The following PPP1R1C variants were observed in gnomAD, a reference collection of about 807,000 sequenced individuals.
PPP1R1C encodes protein phosphatase 1 regulatory inhibitor subunit 1C, also known as protein phosphatase 1 regulatory subunit 1C.
In PPP1R1C, 15 loss-of-function variants were observed where a neutral mutation model predicts 17.4. The ratio of observed to expected loss-of-function variants is 0.86; its 90% confidence interval spans 0.58 to 1.33. PPP1R1C has a LOEUF of 1.33. PPP1R1C is among the 40% of genes most tolerant of loss of function. The pLI, the probability that PPP1R1C is intolerant of heterozygous loss-of-function variation, is 0.00. For missense variants in PPP1R1C, 143 were observed against 130.0 expected (o/e 1.10, Z -0.48); for synonymous variants, 35 against 43.1 (o/e 0.81, Z 0.73).
At chr2:182,065,136 C>T (rs1708218849) in intron 4 of PPP1R1C, among the ~76,000 whole-genome samples, 1 of 151,850 alleles carries the variant, frequency 6.6e-6, no homozygotes, top group South Asian at 2.1e-4. Flanking sequence ...TGCATAAAGC[C>T]TTATACTCTC....
At chr2:182,025,000 A>G (rs934480197) in intron 2 of PPP1R1C, among the ~76,000 whole-genome samples, 2 of 150,042 alleles carry the variant, frequency 1.3e-5, no homozygotes, top group Non-Finnish European at 3.0e-5. Context: ...GGTGAGGAAT[A>G]TACACTAAAA....
intron 4 of PPP1R1C, among the ~76,000 whole-genome samples, chr2:182,112,424 G>T (rs1006072072): frequency 6.6e-6 from 1 of 152,036 alleles, no homozygotes; most frequent in Non-Finnish European, 1.5e-5. Context: ...AAGTTATACC[G>T]AAATCTATCC....
intron 4 of PPP1R1C, among the ~76,000 whole-genome samples, chr2:182,114,838 A>G (rs989381040): frequency 6.6e-6 from 1 of 152,152 alleles, no homozygotes; most frequent in African/African-American, 2.4e-5. Context: ...TTTTCGTATA[A>G]CTTTGTGACT....
intron 2 of PPP1R1C, among the ~76,000 whole-genome samples, chr2:181,978,103 G>A (rs1685126045): frequency 6.6e-6 from 1 of 152,122 alleles, no homozygotes; most frequent in Non-Finnish European, 1.5e-5. Flanking sequence ...GCAGGCAAGG[G>A]GGCTTGTGCA....
chr2:182,067,045 T>C lies in PPP1R1C; in HGVS notation c.241+3254T>C, dbSNP rs188423453. 1.3e-4 allele frequency among the ~76,000 whole-genome samples: 20 copies of C among 152,072 alleles called. No homozygotes were observed. In the East Asian group the frequency reaches 3.1e-3, roughly 23 times the overall value. ...ACTGAAGAAAGCAAAGTAAGTGCTA[T>C]TGATTTAAACGGAAATTGGAACATT... On this transcript the variant is annotated intron_variant, in intron 4 of 4. Coordinates refer to ENST00000682840, the MANE Select transcript of PPP1R1C (RefSeq NM_001080545.3).
intron 1 of PPP1R1C, among the ~76,000 whole-genome samples, chr2:181,955,785 C>T (rs1684660778): frequency 6.6e-6 from 1 of 152,136 alleles, no homozygotes; most frequent in African/African-American, 2.4e-5. Context: ...ATAAAATGAT[C>T]TTCAATTCTA....
chr2:182,126,195 C>A (rs1470261545), intron 5 of PPP1R1C, among the ~76,000 whole-genome samples: 1 of 151,472 alleles, frequency 6.6e-6, no homozygotes, highest in Non-Finnish European at 1.5e-5. Flanking sequence ...GTTTTTTTGG[C>A]CACTATCAAA....
At chr2:182,063,817 T>C in intron 4 of PPP1R1C, 26 bp downstream of exon 4, 1 of 1,588,638 alleles carries the variant, frequency 6.3e-7, no homozygotes, top group South Asian at 1.1e-5. Flanking sequence ...TGTTTCGGGT[T>C]GTCATGAGTG....
At chr2:181,983,742 C>T (rs567993988), upstream of PPP1R1C, among the ~76,000 whole-genome samples, 1 of 152,210 alleles carries the variant, frequency 6.6e-6, no homozygotes, top group African/African-American at 2.4e-5. Flanking sequence ...ATTCAAAAGA[C>T]ATGTAGGTAG....
chr2:182,094,406 A>G (rs1688872218), intron 4 of PPP1R1C, among the ~76,000 whole-genome samples: 2 of 152,232 alleles, frequency 1.3e-5, no homozygotes, highest in Admixed American at 6.5e-5. Flanking sequence ...AAATATACTG[A>G]AAGTTAAACA....
At chr2:182,028,517 C>A (rs865795384) in intron 2 of PPP1R1C, among the ~76,000 whole-genome samples, 1 of 152,008 alleles carries the variant, frequency 6.6e-6, no homozygotes, top group Non-Finnish European at 1.5e-5. Context: ...TGTAGTTGAG[C>A]GGTTTTGAGT....
intron 2 of PPP1R1C, among the ~76,000 whole-genome samples, chr2:182,047,186 G>C (rs1032940978): frequency 6.6e-6 from 1 of 152,062 alleles, no homozygotes; most frequent in Non-Finnish European, 1.5e-5. Context: ...TTGGTCATAA[G>C]ACTTTATTTG....
intron 4 of PPP1R1C, among the ~76,000 whole-genome samples, chr2:182,089,176 A>C (rs1688713264): frequency 6.6e-6 from 1 of 152,198 alleles, no homozygotes; most frequent in Non-Finnish European, 1.5e-5. Context: ...GAGCCAGACA[A>C]TTCTGAAATA....
chr2:182,069,575 C>A (rs1306181949), intron 4 of PPP1R1C, among the ~76,000 whole-genome samples: 1 of 151,884 alleles, frequency 6.6e-6, no homozygotes. Flanking sequence ...GTTTAAAAGA[C>A]CTTGAGATAA....
chr2:181,971,675 T>A (rs377109154), intron 1 of PPP1R1C, among the ~76,000 whole-genome samples: 104 of 152,294 alleles, frequency 6.8e-4, no homozygotes, highest in Middle Eastern at 3.4e-3. Flanking sequence ...AGATTGCCTT[T>A]CAGGTTTATT....
intron 4 of PPP1R1C, among the ~76,000 whole-genome samples, chr2:182,072,524 G>A (rs1014618953): frequency 3.3e-5 from 5 of 152,148 alleles, no homozygotes; most frequent in African/African-American, 1.2e-4. Flanking sequence ...GATTACAGAG[G>A]AGCAGGGTTC....
chr2:181,979,669 G>C (rs1022713334), intron 2 of PPP1R1C, among the ~76,000 whole-genome samples: 2 of 152,140 alleles, frequency 1.3e-5, no homozygotes, highest in Non-Finnish European at 2.9e-5. Flanking sequence ...GGCATGCAAT[G>C]TTGTCATTTC....
At chr2:182,071,022 C>T (rs920208689) in intron 4 of PPP1R1C, among the ~76,000 whole-genome samples, 4 of 152,170 alleles carry the variant, frequency 2.6e-5, no homozygotes, top group African/African-American at 9.7e-5. Flanking sequence ...GATCCAATCA[C>T]CTCCCACCAA....
chr2:182,066,157 A>G (rs1294257928), intron 4 of PPP1R1C, among the ~76,000 whole-genome samples: 1 of 152,166 alleles, frequency 6.6e-6, no homozygotes, highest in Non-Finnish European at 1.5e-5. Flanking sequence ...TGAGCTGACT[A>G]TAAAATCAAA....
Sources: allele counts gnomAD v4.1 joint callset (sites outside exome capture counted in the v4.1 genomes callset), GRCh38; gene constraint gnomAD v4.1.1; transcripts MANE v1.5; gene names NCBI Gene and HGNC (gene_info 2026-07-23, HGNC 2026-07-21).